ADGRB3: variants seen among roughly 807,000 people sequenced by gnomAD.
ADGRB3 encodes the protein brain-specific angiogenesis inhibitor 3.
In ADGRB3, 37 loss-of-function variants were observed where a neutral mutation model predicts 193.4. The ratio of observed to expected loss-of-function variants is 0.19; its 90% confidence interval spans 0.15 to 0.25. ADGRB3 has a LOEUF of 0.25. ADGRB3 is among the 10% of genes least tolerant of loss of function. ADGRB3 has a pLI of 1.00. For missense variants in ADGRB3, 1,637 were observed against 1,852.9 expected (o/e 0.88, Z 2.14); for synonymous variants, 690 against 644.2 (o/e 1.07, Z -1.08).
At chr6:69,210,170 A>ATATATATATG (rs70987458) in intron 17 of ADGRB3, among the ~76,000 whole-genome samples, 16 of 131,780 alleles carry the variant, frequency 1.2e-4, no homozygotes, top group African/African-American at 4.8e-4. Context: ...ATATATATAT[A>ATATATATATG]AAGGGGAGTT....
At chr6:69,212,309 A>G (rs1765683903) in intron 17 of ADGRB3, among the ~76,000 whole-genome samples, 1 of 152,172 alleles carries the variant, frequency 6.6e-6, no homozygotes, top group Non-Finnish European at 1.5e-5. Context: ...TAAAAAATTA[A>G]AATGGAAACA....
intron 16 of ADGRB3, among the ~76,000 whole-genome samples, chr6:69,071,760 A>G (rs949934625): frequency 1.3e-5 from 2 of 152,124 alleles, no homozygotes; most frequent in African/African-American, 2.4e-5. Flanking sequence ...TCTTTAACCC[A>G]TCTGTCTTGT....
intron 8 of ADGRB3, among the ~76,000 whole-genome samples, chr6:68,962,650 T>A (rs986726908): frequency 1.3e-5 from 2 of 152,204 alleles, no homozygotes; most frequent in African/African-American, 4.8e-5. Context: ...TTTATTCTTT[T>A]CATCCCTTAT....
chr6:68,649,358 A>C lies in ADGRB3; in HGVS notation c.757+9926A>C, dbSNP rs151116663. Among the ~76,000 whole-genome samples, 993 of 152,280 alleles carry C rather than the reference A, an allele frequency of 6.5e-3. 13 individuals carry two copies. Among genetic ancestry groups the C allele is most frequent in the Middle Eastern group, 0.028 (8 of 290 alleles). On this transcript the variant is annotated intron_variant, in intron 3 of 31. Coordinates refer to ENST00000370598, the MANE Select transcript of ADGRB3 (RefSeq NM_001704.3). ...CAACAACATCTCTATAAGATAAAAG[A>C]TGAACAGTCTAATTGACTGTCTAAA... is the stretch of plus-strand genomic sequence containing the variant.
chr6:68,811,209 TC>T (rs1314916756), intron 3 of ADGRB3, among the ~76,000 whole-genome samples: 2 of 152,138 alleles, frequency 1.3e-5, no homozygotes, highest in African/African-American at 4.8e-5. Context: ...TATTTCTACT[TC>T]TATTTTTTAA....
intron 17 of ADGRB3, among the ~76,000 whole-genome samples, chr6:69,128,390 T>C (rs1433861206): frequency 1.3e-5 from 2 of 152,152 alleles, no homozygotes; most frequent in Non-Finnish European, 2.9e-5. Flanking sequence ...AAGAAAGCTG[T>C]TAGGGGATCT....
chr6:68,876,305 G>A (rs990250764), intron 3 of ADGRB3, among the ~76,000 whole-genome samples: 1 of 152,122 alleles, frequency 6.6e-6, no homozygotes, highest in Non-Finnish European at 1.5e-5. Flanking sequence ...TTCTTTCTAA[G>A]TATTGAAACT....
At chr6:69,322,831 G>A (rs1582631677) in intron 20 of ADGRB3, among the ~76,000 whole-genome samples, 1 of 151,990 alleles carries the variant, frequency 6.6e-6, no homozygotes, top group East Asian at 1.9e-4. Context: ...AGCAATTTAA[G>A]GATAAATAGT....
intron 3 of ADGRB3, among the ~76,000 whole-genome samples, chr6:68,858,514 A>AAAAC (rs1308866947): frequency 2.1e-5 from 3 of 141,770 alleles, no homozygotes; most frequent in Non-Finnish European, 1.5e-5. Context: ...AAAAAAAAAA[A>AAAAC]CACCTGAGGT....
chr6:68,764,178 T>C (rs939066531), intron 3 of ADGRB3, among the ~76,000 whole-genome samples: 10 of 152,180 alleles, frequency 6.6e-5, no homozygotes, highest in Non-Finnish European at 1.5e-5. Flanking sequence ...CATCAGTATT[T>C]AATGTTCTTG....
intron 20 of ADGRB3, among the ~76,000 whole-genome samples, chr6:69,313,004 T>C (rs1231510275): frequency 6.6e-6 from 1 of 151,894 alleles, no homozygotes; most frequent in African/African-American, 2.4e-5. Context: ...ACATTGTAGG[T>C]ATTTTTCATT....
chr6:68,748,732 C>T (rs1045236167), intron 3 of ADGRB3, among the ~76,000 whole-genome samples: 1 of 152,150 alleles, frequency 6.6e-6, no homozygotes, highest in East Asian at 1.9e-4. Flanking sequence ...AGGCAGTGCC[C>T]CAGTAGGGCC....
At chr6:68,729,292 G>T (rs1411712320) in intron 3 of ADGRB3, among the ~76,000 whole-genome samples, 1 of 151,444 alleles carries the variant, frequency 6.6e-6, no homozygotes, top group East Asian at 2.0e-4. Context: ...AATACCCCTG[G>T]ATAAGTAGTT....
In ADGRB3 at chr6:68,993,757, G is replaced by T; in HGVS notation, c.1735-11G>T. The stretch of plus-strand genomic sequence containing the variant: ...ATTCTGATGTTTGCTCTGTTCTTTT[G>T]ACCATCACAGATTAAAGAGCACCTT... On this transcript the variant is annotated splice_polypyrimidine_tract_variant and intron_variant, in intron 10 of 31. Coordinates refer to ENST00000370598, the MANE Select transcript of ADGRB3 (RefSeq NM_001704.3). 1 of 1,609,260 alleles carries T rather than the reference G, an allele frequency of 6.2e-7. No homozygotes were observed. Among genetic ancestry groups the T allele is most frequent in the South Asian group, 1.1e-5 (1 of 90,528 alleles).
chr6:68,675,483 A>T (rs1450418737), intron 3 of ADGRB3, among the ~76,000 whole-genome samples: 1 of 152,212 alleles, frequency 6.6e-6, no homozygotes, highest in African/African-American at 2.4e-5. Flanking sequence ...AATTAATTTG[A>T]GTGAAATTAA....
At chr6:68,713,674 C>T (rs1765441638) in intron 3 of ADGRB3, among the ~76,000 whole-genome samples, 1 of 150,990 alleles carries the variant, frequency 6.6e-6, no homozygotes, top group Admixed American at 6.7e-5. Context: ...ACATTGTAAC[C>T]TCCCATCTAG....
At chr6:68,751,838 T>G (rs1766205580) in intron 3 of ADGRB3, among the ~76,000 whole-genome samples, 1 of 152,182 alleles carries the variant, frequency 6.6e-6, no homozygotes, top group East Asian at 1.9e-4. Context: ...TATGTGGTTA[T>G]TTATTGAGCA....
chr6:69,033,598 G>C (rs1251975459), intron 13 of ADGRB3, among the ~76,000 whole-genome samples: 1 of 152,048 alleles, frequency 6.6e-6, no homozygotes, highest in African/African-American at 2.4e-5. Context: ...TATATGGCTA[G>C]TTTAGCATAT....
chr6:69,039,990 T>TGGG, intron 13 of ADGRB3, among the ~76,000 whole-genome samples: 1 of 152,210 alleles, frequency 6.6e-6, no homozygotes, highest in Admixed American at 6.5e-5. Flanking sequence ...TCCGCCCGCC[T>TGGG]CGGCCTCCCA....
Sources: allele counts gnomAD v4.1 joint callset (sites outside exome capture counted in the v4.1 genomes callset), GRCh38; gene constraint gnomAD v4.1.1; transcripts MANE v1.5; gene names NCBI Gene and HGNC (gene_info 2026-07-23, HGNC 2026-07-21).